The following SLC13A5 variants were observed in gnomAD, a reference collection of about 807,000 sequenced individuals.
SLC13A5 encodes the protein solute carrier family 13 member 5.
SLC13A5 carries 25 observed loss-of-function variants against 56.5 expected under a neutral mutation model. The observed-to-expected ratio is 0.44, with a 90% CI of 0.32 to 0.62. The LOEUF (loss-of-function observed/expected upper bound fraction) is 0.62, where lower values mean the gene tolerates loss of function less well. SLC13A5 is among the 20% of genes least tolerant of loss of function. SLC13A5 has a pLI of 0.04. For synonymous variants in SLC13A5, 307 were observed against 301.5 expected (o/e 1.02, Z -0.19); for missense variants, 649 against 737.8 (o/e 0.88, Z 1.39).
chr17:6,687,312 C>A lies in SLC13A5; in HGVS notation c.1575+217G>T. On this transcript the variant is annotated intron_variant, in intron 11 of 11. Transcript: ENST00000433363. The surrounding 1 kb of genome is among the most constrained non-coding windows in gnomAD (Gnocchi z 5.0). ...TTCTCCAGGTGGGAGAGTCTATAAC[C>A]CACCTCAGAGAAAGAACAGTGTGTG... 1 of 619,606 alleles carries A rather than the reference C, an allele frequency of 1.6e-6. No homozygotes were observed. The highest frequency in any genetic ancestry group is 1.9e-5 in the African/African-American group (1 of 53,222). The allele number at this position is 619,606 out of a possible 1,614,324, so 38.4% of individuals were successfully genotyped here. A position where few individuals can be genotyped will look rare whatever the true frequency, so the allele number is the denominator to read the frequency against.
In SLC13A5 at chr17:6,713,166, G is replaced by A; in HGVS notation, c.102+66C>T. 1 of 1,514,986 alleles carries A rather than the reference G, an allele frequency of 6.6e-7. No homozygotes were observed. Among genetic ancestry groups the A allele is most frequent in the Admixed American group, 1.8e-5 (1 of 56,546 alleles). 93.8% of individuals were successfully genotyped at this position (1,514,986 alleles called of 1,614,324 possible). A position where few individuals can be genotyped will look rare whatever the true frequency, so the allele number is the denominator to read the frequency against. On this transcript the variant is annotated intron_variant, in intron 1 of 11. Transcript: ENST00000433363. The surrounding 1 kb of genome is among the most constrained non-coding windows in gnomAD (Gnocchi z 7.3). ...GTGCGCTCCAGCTCAGGGCTCCCGG[G>A]ATCGGTGCCCGTTAGTGGGCACAGG...
chr17:6,686,340 T>G lies in SLC13A5; in HGVS notation c.1576-2A>C. On this transcript the variant is annotated splice_acceptor_variant, in intron 11 of 11. Transcript: ENST00000433363. LOFTEE classifies it high-confidence loss of function. ...GTTCATTATGACTCCTGTTTTCACC[T>G]GGAAAAGAGACAGAGTCAGCACCCT... 1 of 1,614,004 alleles carries G rather than the reference T, an allele frequency of 6.2e-7. No homozygotes were observed. Among genetic ancestry groups the G allele is most frequent in the Non-Finnish European group, 8.5e-7 (1 of 1,179,946 alleles).
Position 6,687,616 on chromosome 17 carries a change from CAG to C in SLC13A5, c.1486_1487del (p.Leu496GlufsTer28). ...GCAACATGAAGGCAAAGGAGGCACT[CAG>C]GGTACAGGGCAGCATGATGTACAGC... ...NPLYIMLPCT[L>X]SASFAFMLPV... On this transcript the variant is annotated frameshift_variant, in exon 11 of 12. Transcript: ENST00000433363. LOFTEE classifies it high-confidence loss of function. The surrounding 1 kb of genome is among the most constrained non-coding windows in gnomAD (Gnocchi z 5.0). The C allele has an allele frequency of 6.2e-7, 1 of 1,613,824 alleles. No homozygotes were observed. The highest frequency in any genetic ancestry group is 8.5e-7 in the Non-Finnish European group (1 of 1,179,948).
chr17:6,703,870 G>A lies in SLC13A5; in HGVS notation c.547+8C>T, dbSNP rs1270343571. 11 of 1,531,506 alleles carry A rather than the reference G, an allele frequency of 7.2e-6. No homozygotes were observed. In the African/African-American group the frequency reaches 1.4e-4, roughly 19 times the overall value. 94.9% of individuals were successfully genotyped at this position (1,531,506 alleles called of 1,614,324 possible). The stretch of plus-strand genomic sequence containing the variant: ...TGTGGCCTGGCAGTGCCCTGGCCAG[G>A]GGCTCACCTGGCAGCTCCTTGGCCT... On this transcript the variant is annotated splice_region_variant and intron_variant, in intron 4 of 11. Coordinates refer to ENST00000433363, the MANE Select transcript of SLC13A5 (RefSeq NM_177550.5).
Position 6,692,831 on chromosome 17 carries a change from T to C in SLC13A5, c.1275+213A>G, listed in dbSNP as rs1973447373. On this transcript the variant is annotated intron_variant, in intron 9 of 11. Coordinates refer to ENST00000433363, the MANE Select transcript of SLC13A5 (RefSeq NM_177550.5). This position sits in a 1 kb window ranked among gnomAD's most constrained non-coding sequence, Gnocchi z 5.5. ...CCACGGTCACTCATTCACTCATTCCTGCAATCGCTCAAAGGTTACTTTCTG... is the reference window on the plus strand; with the variant it reads ...CCACGGTCACTCATTCACTCATTCCCGCAATCGCTCAAAGGTTACTTTCTG... 4 of 573,570 alleles carry C rather than the reference T, an allele frequency of 7.0e-6. No individual in the cohort carries two copies. Among genetic ancestry groups the C allele is most frequent in the Non-Finnish European group, 9.3e-6 (3 of 321,096 alleles). 35.5% of individuals were successfully genotyped at this position (573,570 alleles called of 1,614,324 possible). A position where few individuals can be genotyped will look rare whatever the true frequency, so the allele number is the denominator to read the frequency against.
chr17:6,687,980 ATGTC>A lies in SLC13A5; in HGVS notation c.1438-318_1438-315del, dbSNP rs758176181. 6.8e-5 allele frequency: 14 copies of A among 204,882 alleles called. No homozygotes were observed. The highest frequency in any genetic ancestry group is 1.3e-4 in the Non-Finnish European group (13 of 103,164). The allele number at this position is 204,882 out of a possible 1,614,324, so 12.7% of individuals were successfully genotyped here. A position where few individuals can be genotyped will look rare whatever the true frequency, so the allele number is the denominator to read the frequency against. ...CTCAACCTTACAGTGCCGCGTGCAC[ATGTC>A]TGTCTGTCTTGCCACAGACTGAGAG... On this transcript the variant is annotated intron_variant, in intron 10 of 11. Transcript: ENST00000433363. This position sits in a 1 kb window ranked among gnomAD's most constrained non-coding sequence, Gnocchi z 5.0.
At chr17:6,699,044 AAAAT>A (rs201152183) in intron 6 of SLC13A5, among the ~76,000 whole-genome samples, 6,377 of 138,110 alleles carry the variant, frequency 0.046, 334 homozygotes, top group African/African-American at 0.13. Flanking sequence ...CACTGTCTCA[AAAAT>A]AAATAAATAA....
intron 1 of SLC13A5, among the ~76,000 whole-genome samples, chr17:6,709,873 G>GTA (rs1973974224): frequency 6.6e-6 from 1 of 151,982 alleles, no homozygotes; most frequent in African/African-American, 2.4e-5. Context: ...GCTTTGTTGT[G>GTA]GGAGCTGTGC....
Position 6,711,448 on chromosome 17 carries a change from C to T in SLC13A5, c.102+1784G>A, listed in dbSNP as rs1018842067. On this transcript the variant is annotated intron_variant, in intron 1 of 11. Coordinates refer to ENST00000433363, the MANE Select transcript of SLC13A5 (RefSeq NM_177550.5). This position sits in a 1 kb window ranked among gnomAD's most constrained non-coding sequence, Gnocchi z 4.0. ...TCTCTTACACACACACACATACACA[C>T]ACATACACACACACTGAGTTAGGGT... Among the ~76,000 whole-genome samples the T allele has an allele frequency of 6.6e-6, 1 of 151,616 alleles. No homozygotes were observed. Among genetic ancestry groups the T allele is most frequent in the Non-Finnish European group, 1.5e-5 (1 of 67,912 alleles).
At chr17:6,704,283 A>G (rs768486284) in intron 3 of SLC13A5, 1 of 670,600 alleles carries the variant, frequency 1.5e-6, no homozygotes, top group South Asian at 1.5e-5. Flanking sequence ...TCCCACACCC[A>G]TGACTGATGT....
Position 6,687,843 on chromosome 17 carries a change from G to T in SLC13A5, c.1438-177C>A. 1.3e-6 allele frequency: 1 copy of T among 753,996 alleles called. No homozygotes were observed. The highest frequency in any genetic ancestry group is 2.0e-6 in the Non-Finnish European group (1 of 509,138). The allele number at this position is 753,996 out of a possible 1,614,324, so 46.7% of individuals were successfully genotyped here. A position where few individuals can be genotyped will look rare whatever the true frequency, so the allele number is the denominator to read the frequency against. On this transcript the variant is annotated intron_variant, in intron 10 of 11. Coordinates refer to ENST00000433363, the MANE Select transcript of SLC13A5 (RefSeq NM_177550.5). The surrounding 1 kb of genome is among the most constrained non-coding windows in gnomAD (Gnocchi z 5.0). ...TAATTCCACCTACGGAACACTGAAG[G>T]CTGAGGTCAGAGGCCACCTGCCCTA...
chr17:6,690,238 A>G (rs1171290811), intron 10 of SLC13A5: 1 of 160,642 alleles, frequency 6.2e-6, no homozygotes, highest in Non-Finnish European at 1.4e-5. Flanking sequence ...ACTCCCCAGG[A>G]TCCCTTATCC....
At chr17:6,712,369 G>T (rs573051716) in intron 1 of SLC13A5, among the ~76,000 whole-genome samples, 84 of 152,364 alleles carry the variant, frequency 5.5e-4, no homozygotes, top group African/African-American at 1.9e-3. Context: ...GCTTCAAAGG[G>T]CTTGGGCCTC....
intron 6 of SLC13A5, among the ~76,000 whole-genome samples, chr17:6,696,841 C>T (rs948907565): frequency 9.2e-5 from 14 of 152,116 alleles, no homozygotes; most frequent in African/African-American, 2.4e-4. Flanking sequence ...GAGACATAAT[C>T]ATAGGAGGGA....
rs913411871 is a variant in SLC13A5 at position 6,692,043 on chromosome 17, C to T, written c.1275+1001G>A. On this transcript the variant is annotated intron_variant, in intron 9 of 11. Coordinates refer to ENST00000433363, the MANE Select transcript of SLC13A5 (RefSeq NM_177550.5). This position sits in a 1 kb window ranked among gnomAD's most constrained non-coding sequence, Gnocchi z 5.5. The stretch of plus-strand genomic sequence containing the variant: ...TGTGAAGTCTGCCACGAACAGGGAC[C>T]GTATCTCAATCTCCTCTGTAATCTC... 1.1e-4 allele frequency among the ~76,000 whole-genome samples: 17 copies of T among 152,144 alleles called. No individual in the cohort carries two copies. The highest frequency in any genetic ancestry group is 2.4e-4 in the African/African-American group (10 of 41,414).
Position 6,711,432 on chromosome 17 carries a change from CACACACACATACACACACAT to C in SLC13A5, c.102+1780_102+1799del, listed in dbSNP as rs143360432. Among the ~76,000 whole-genome samples the C allele has an allele frequency of 2.6e-5, 4 of 151,060 alleles. No homozygotes were observed. Among genetic ancestry groups the C allele is most frequent in the African/African-American group, 9.8e-5 (4 of 40,998 alleles). ...AATCTCTCTCTCTCTCTCTCTTACA[CACACACACATACACACACAT>C]ACACACACACTGAGTTAGGGTTTCC... is the stretch of plus-strand genomic sequence containing the variant. On this transcript the variant is annotated intron_variant, in intron 1 of 11. Transcript: ENST00000433363. The surrounding 1 kb of genome is among the most constrained non-coding windows in gnomAD (Gnocchi z 4.0).
In SLC13A5 at chr17:6,695,928, A is replaced by G. The variant is rs757622380; in HGVS notation, c.853T>C (p.Trp285Arg). 1 of 1,613,864 alleles carries G rather than the reference A, an allele frequency of 6.2e-7. No individual in the cohort carries two copies. Among genetic ancestry groups the G allele is most frequent in the South Asian group, 1.1e-5 (1 of 91,078 alleles). ...VYMRFNFKKS[W>R]GCGLESKKNE... is the part of the protein sequence containing the mutation. ...TTCTTGCTCTCTAGCCCGCAGCCCC[A>G]GGACTTTTTAAAACTGGAGAATGCA... The change falls in exon 7 of 12, where the codon TGG becomes CGG. Residue 285 changes from tryptophan to arginine, a missense_variant. Physicochemically the swap from Trp to Arg is moderately radical, Grantham distance 101. Transcript: ENST00000433363.
At position 6,685,286 on chromosome 17, in the gene SLC13A5, G is replaced by A. The variant is rs756871600; in HGVS notation, c.*921C>T. 4 of 152,206 alleles carry A rather than the reference G, an allele frequency of 2.6e-5. No individual in the cohort carries two copies. The highest frequency in any genetic ancestry group is 4.1e-4 in the South Asian group (2 of 4,832). 9.4% of individuals were successfully genotyped at this position (152,206 alleles called of 1,614,324 possible). ...GGGAGGGCCTAGATAGCCCACTGTG[G>A]CCCCCAGAGCGCCATCACTGCCCAT... On this transcript the variant is annotated 3_prime_UTR_variant, in exon 12 of 12. Coordinates refer to ENST00000433363, the MANE Select transcript of SLC13A5 (RefSeq NM_177550.5). The surrounding 1 kb of genome is among the most constrained non-coding windows in gnomAD (Gnocchi z 4.2).
chr17:6,711,105 C>T lies in SLC13A5; in HGVS notation c.102+2127G>A, dbSNP rs944139514. Among the ~76,000 whole-genome samples, 4 of 151,932 alleles carry T rather than the reference C, an allele frequency of 2.6e-5. No individual in the cohort carries two copies. Among genetic ancestry groups the T allele is most frequent in the African/African-American group, 9.7e-5 (4 of 41,374 alleles). On this transcript the variant is annotated intron_variant, in intron 1 of 11. Transcript: ENST00000433363. The surrounding 1 kb of genome is among the most constrained non-coding windows in gnomAD (Gnocchi z 4.0). Reference sequence around the variant, plus strand: ...TGGGTGTTGGCAGAGGGTGGCGTGCCCTGGGAGTCACCTCCTGGCAAGGAC... The same window carrying T: ...TGGGTGTTGGCAGAGGGTGGCGTGCTCTGGGAGTCACCTCCTGGCAAGGAC...
Sources: allele counts gnomAD v4.1 joint callset (sites outside exome capture counted in the v4.1 genomes callset), GRCh38; gene constraint gnomAD v4.1.1; non-coding constraint Gnocchi (gnomAD v3.1); transcripts MANE v1.5; gene names NCBI Gene and HGNC (gene_info 2026-07-23, HGNC 2026-07-21).